PCDHGA2: variants seen among roughly 807,000 people sequenced by gnomAD.
PCDHGA2 encodes the protein protocadherin gamma subfamily A, 2.
A neutral mutation model predicts 59.2 loss-of-function variants in PCDHGA2; 40 were observed. The observed-to-expected ratio is 0.68, with a 90% CI of 0.52 to 0.88. The LOEUF (loss-of-function observed/expected upper bound fraction) is 0.88, where lower values mean the gene tolerates loss of function less well. Ranked by LOEUF, PCDHGA2 falls within the 40% of genes least tolerant of loss-of-function variation. The pLI, the probability that PCDHGA2 is intolerant of heterozygous loss-of-function variation, is 0.00. For missense variants in PCDHGA2, 1,226 were observed against 1,204.0 expected (o/e 1.02, Z -0.27); for synonymous variants, 560 against 526.0 (o/e 1.06, Z -0.89).
intron 1 of PCDHGA2, chr5:141,356,647 G>T: frequency 1.9e-6 from 3 of 1,614,084 alleles, no homozygotes; most frequent in Non-Finnish European, 2.5e-6. Flanking sequence ...TGACAGTGGT[G>T]ACAATGCCCG....
chr5:141,346,234 G>A (rs1757717288), intron 1 of PCDHGA2: 2 of 1,614,212 alleles, frequency 1.2e-6, no homozygotes, highest in South Asian at 2.2e-5. Context: ...GGCTTGGCGA[G>A]TACGCCCGGC....
chr5:141,470,113 A>C (rs1209326739), intron 1 of PCDHGA2, among the ~76,000 whole-genome samples: 1 of 152,126 alleles, frequency 6.6e-6, no homozygotes, highest in Non-Finnish European at 1.5e-5. Context: ...TGAGCAACAG[A>C]GCAAGACTTC....
At position 141,362,194 on chromosome 5, in the gene PCDHGA2, A is replaced by G. The variant is rs57735633; in HGVS notation, c.2424+20799A>G. Reference sequence around the variant, plus strand: ...CCGGGAGCCCTCTGACCCCCAGGCAAAACTGCAGTTTTACCTGGTTGTGGC... The same window carrying G: ...CCGGGAGCCCTCTGACCCCCAGGCAGAACTGCAGTTTTACCTGGTTGTGGC... On this transcript the variant is annotated intron_variant, in intron 1 of 3. Transcript: ENST00000394576. 152,892 of 1,613,780 alleles carry G rather than the reference A, an allele frequency of 0.095. 8,939 individuals are homozygous for G. Among genetic ancestry groups the G allele is most frequent in the African/African-American group, 0.29 (21,446 of 74,936 alleles).
intron 1 of PCDHGA2, among the ~76,000 whole-genome samples, chr5:141,425,417 G>A (rs1238708306): frequency 2.0e-5 from 3 of 152,162 alleles, no homozygotes; most frequent in East Asian, 3.9e-4. Context: ...ATAACATATA[G>A]TCCCATTAAA....
At chr5:141,364,510 G>A (rs1763366973) in intron 1 of PCDHGA2, 5 of 1,614,022 alleles carry the variant, frequency 3.1e-6, no homozygotes, top group South Asian at 2.2e-5. Context: ...AGGAGCTGGC[G>A]GAGCGCGGAG....
chr5:141,498,960 G>GGAGA (rs1381042115), intron 2 of PCDHGA2, among the ~76,000 whole-genome samples: 9 of 118,744 alleles, frequency 7.6e-5, no homozygotes, highest in African/African-American at 2.8e-4. Context: ...AGAGAGAGAG[G>GGAGA]GAGGGAGGGA....
rs765690531 is a variant in PCDHGA2, at chr5:141,404,329, C to T, written c.2424+62934C>T. 6.8e-5 allele frequency: 110 copies of T among 1,613,772 alleles called. No homozygotes were observed. The East Asian group carries it at 2.4e-3, about 36-fold the overall frequency. On this transcript the variant is annotated intron_variant, in intron 1 of 3. Coordinates refer to ENST00000394576, the MANE Select transcript of PCDHGA2 (RefSeq NM_018915.4). ...CTTTCTCTCAAGCCTCCTACTCAGTCTACCTCCCGGAAAACAACGCCAGAG... is the reference window on the plus strand; with the variant it reads ...CTTTCTCTCAAGCCTCCTACTCAGTTTACCTCCCGGAAAACAACGCCAGAG...
At position 141,357,420 on chromosome 5, in the gene PCDHGA2, T is replaced by C. The variant is rs754113080; in HGVS notation, c.2424+16025T>C. ...TGGCAGGTGTGCCTGCCTCGCACTT[T>C]GTGGGCGTGGACGGGGTTCGGGCTT... On this transcript the variant is annotated intron_variant, in intron 1 of 3. Transcript: ENST00000394576. 1.5e-5 allele frequency: 25 copies of C among 1,614,132 alleles called. No homozygotes were observed. In the East Asian group the frequency reaches 3.8e-4, roughly 24 times the overall value.
At chr5:141,361,167 A>C in intron 1 of PCDHGA2, 1 of 1,613,990 alleles carries the variant, frequency 6.2e-7, no homozygotes, top group South Asian at 1.1e-5. Context: ...ACGATTGTGC[A>C]CCTGAAGTTA....
intron 1 of PCDHGA2, among the ~76,000 whole-genome samples, chr5:141,455,549 C>G (rs911113181): frequency 1.3e-5 from 2 of 152,042 alleles, no homozygotes; most frequent in Non-Finnish European, 2.9e-5. Flanking sequence ...TCACGTAGCC[C>G]GAGAAAAAGC....
At chr5:141,357,454 A>T in intron 1 of PCDHGA2, 1 of 1,614,090 alleles carries the variant, frequency 6.2e-7, no homozygotes, top group Non-Finnish European at 8.5e-7. Context: ...TTTCCTGCAG[A>T]CCTATTCCCA....
intron 1 of PCDHGA2, chr5:141,405,569 A>G: frequency 1.7e-6 from 1 of 604,184 alleles, no homozygotes. Context: ...GGACTAGAGT[A>G]GAGTAGCTGG....
intron 1 of PCDHGA2, among the ~76,000 whole-genome samples, chr5:141,406,485 G>T (rs2094815755): frequency 6.6e-6 from 1 of 152,142 alleles, no homozygotes; most frequent in Non-Finnish European, 1.5e-5. Flanking sequence ...ATATTTTTCA[G>T]ATCACAAGTG....
chr5:141,501,290 T>TACACACAC (rs55762287), intron 2 of PCDHGA2, among the ~76,000 whole-genome samples: 94 of 136,244 alleles, frequency 6.9e-4, no homozygotes, highest in Admixed American at 2.2e-3. Context: ...TATTCCCTTA[T>TACACACAC]ACACACACAC....
At chr5:141,427,814 G>T in intron 1 of PCDHGA2, 2 of 1,526,562 alleles carry the variant, frequency 1.3e-6, no homozygotes, top group South Asian at 2.2e-5. Context: ...CACAGAGCGG[G>T]GTGGTGGTCG....
intron 1 of PCDHGA2, chr5:141,408,300 T>TC: frequency 6.2e-7 from 1 of 1,613,732 alleles, no homozygotes; most frequent in South Asian, 1.1e-5. Context: ...AGTGAGCCGA[T>TC]CCGCTACTCG....
intron 1 of PCDHGA2, chr5:141,351,950 G>T (rs1343539435): frequency 1.9e-6 from 3 of 1,613,000 alleles, no homozygotes; most frequent in Admixed American, 3.3e-5. Context: ...CCCCGCGCTG[G>T]GGCCTGATGG....
At chr5:141,422,806 C>T (rs868426196) in intron 1 of PCDHGA2, 2 of 1,614,208 alleles carry the variant, frequency 1.2e-6, no homozygotes, top group Non-Finnish European at 1.7e-6. Flanking sequence ...TGAGCAGTTT[C>T]GAGACTTAGA....
chr5:141,432,050 C>T lies in PCDHGA2; in HGVS notation c.2425-62757C>T. The stretch of plus-strand genomic sequence containing the variant: ...GACCGCCACTGACCGGGGAACCCCG[C>T]CCCTATCCACGGAAACTCATATCTC... On this transcript the variant is annotated intron_variant, in intron 1 of 3. Transcript: ENST00000394576. The surrounding 1 kb of genome is among the most constrained non-coding windows in gnomAD (Gnocchi z 6.0). The T allele has an allele frequency of 6.2e-7, 1 of 1,614,218 alleles. No individual in the cohort carries two copies. The highest frequency in any genetic ancestry group is 8.5e-7 in the Non-Finnish European group (1 of 1,180,044).
Sources: allele counts gnomAD v4.1 joint callset (sites outside exome capture counted in the v4.1 genomes callset), GRCh38; gene constraint gnomAD v4.1.1; non-coding constraint Gnocchi (gnomAD v3.1); transcripts MANE v1.5; gene names NCBI Gene and HGNC (gene_info 2026-07-23, HGNC 2026-07-21).